Variants in CAST observed in about 807,000 individuals in gnomAD.
CAST encodes the protein MIR583 host.
Under a neutral mutation model 119.6 loss-of-function variants are expected in CAST, and 76 were observed. The ratio of observed to expected loss-of-function variants is 0.64; its 90% CI spans 0.53 to 0.77. CAST has a LOEUF of 0.77. CAST is among the 30% of genes least tolerant of loss of function. The probability of loss-of-function intolerance (pLI) is 0.00; values close to 1 mark genes in which losing one functional copy is unlikely to be tolerated. For synonymous variants in CAST, 319 were observed against 331.6 expected (o/e 0.96, Z 0.41); for missense variants, 953 against 946.5 (o/e 1.01, Z -0.09).
At chr5:95,981,131 G>A in the CAST span, among the ~76,000 whole-genome samples, 83 of 152,220 alleles carry the variant, frequency 5.5e-4, no homozygotes, top group Non-Finnish European at 1.1e-3. Context: ...AAGCAGGGAA[G>A]TGGGCTGGTT....
rs1487521973 is a variant in CAST, at chr5:96,560,210, A to G, written c.60+30330A>G. ...CACCTTATACAAAAATTAATTCAAG[A>G]TGGATTAAAGACTTAAATGTTAGAC... is the stretch of plus-strand genomic sequence containing the variant. On this transcript the variant is annotated intron_variant, in intron 1 of 11. Transcript: ENST00000505143. 3.3e-5 allele frequency among the ~76,000 whole-genome samples: 5 copies of G among 152,224 alleles called. No homozygotes were observed. In the East Asian group the frequency reaches 7.7e-4, roughly 23 times the overall value.
chr5:96,022,457 T>C, the CAST span, among the ~76,000 whole-genome samples: 1 of 152,220 alleles, frequency 6.6e-6, no homozygotes, highest in Non-Finnish European at 1.5e-5. Context: ...TGCAGTGATC[T>C]ACCAGGTGTG....
intron 3 of CAST, among the ~76,000 whole-genome samples, chr5:96,699,493 C>G (rs1753647944): frequency 6.6e-6 from 1 of 152,226 alleles, no homozygotes; most frequent in Non-Finnish European, 1.5e-5. Context: ...ATGAGGCTTT[C>G]TCCTGCTGCC....
chr5:96,614,282 G>T (rs764567225), intron 1 of CAST, among the ~76,000 whole-genome samples: 4 of 152,122 alleles, frequency 2.6e-5, no homozygotes, highest in Non-Finnish European at 4.4e-5. Context: ...TGCCTGACTC[G>T]TTAGGTTATT....
chr5:96,063,680 T>C, the CAST span, among the ~76,000 whole-genome samples: 1 of 152,130 alleles, frequency 6.6e-6, no homozygotes, highest in East Asian at 1.9e-4. Flanking sequence ...TGTGTAGTCT[T>C]ATTTAGTTGG....
intron 1 of CAST, among the ~76,000 whole-genome samples, chr5:96,534,318 A>T (rs1359355122): frequency 1.3e-5 from 2 of 152,094 alleles, no homozygotes; most frequent in East Asian, 3.9e-4. Flanking sequence ...GAGTATGAAA[A>T]CTGCAACTAT....
intron 1 of CAST, among the ~76,000 whole-genome samples, chr5:96,633,215 G>C (rs1278307259): frequency 1.3e-5 from 2 of 152,128 alleles, no homozygotes; most frequent in African/African-American, 4.8e-5. Context: ...GACCTCAGGT[G>C]ATCCACCTGC....
At chr5:96,034,831 T>G in the CAST span, among the ~76,000 whole-genome samples, 2 of 150,940 alleles carry the variant, frequency 1.3e-5, no homozygotes, top group South Asian at 4.2e-4. Flanking sequence ...AAGATTAACA[T>G]TTTTAGTTTT....
At chr5:96,400,285 G>A in the CAST span, 2 of 811,242 alleles carry the variant, frequency 2.5e-6, no homozygotes, top group South Asian at 2.8e-5. Flanking sequence ...GGATTATGAA[G>A]TGCCTTTTGC....
chr5:96,164,626 A>G, the CAST span, among the ~76,000 whole-genome samples: 1 of 152,194 alleles, frequency 6.6e-6, no homozygotes, highest in African/African-American at 2.4e-5. Flanking sequence ...AGAGAACAAG[A>G]CAGATATAGT....
the CAST span, among the ~76,000 whole-genome samples, chr5:96,503,817 C>A: frequency 1.3e-5 from 2 of 152,348 alleles, no homozygotes; most frequent in African/African-American, 4.8e-5. Flanking sequence ...CCCTTTTAGT[C>A]CTTTCCCTGG....
the CAST span, among the ~76,000 whole-genome samples, chr5:96,192,355 C>T: frequency 3.9e-5 from 6 of 152,108 alleles, no homozygotes; most frequent in African/African-American, 1.4e-4. Context: ...AAGATTAATG[C>T]ATTAAGATGT....
the CAST span, among the ~76,000 whole-genome samples, chr5:96,041,826 A>C: frequency 1.3e-5 from 2 of 151,968 alleles, no homozygotes; most frequent in East Asian, 3.9e-4. Flanking sequence ...CATTTTACTG[A>C]TTTTCTTCTG....
the CAST span, among the ~76,000 whole-genome samples, chr5:96,209,947 C>G: frequency 6.6e-6 from 1 of 151,620 alleles, no homozygotes; most frequent in Admixed American, 6.6e-5. Flanking sequence ...TTTTCTCTCT[C>G]TCTTTCAGGG....
the CAST span, chr5:96,429,392 AACTT>A: frequency 2.4e-6 from 2 of 816,948 alleles, no homozygotes; most frequent in Non-Finnish European, 2.1e-6. Context: ...AAACTCAGCT[AACTT>A]AGAGATAGGC....
the CAST span, among the ~76,000 whole-genome samples, chr5:96,121,809 G>A: frequency 6.6e-6 from 1 of 151,938 alleles, no homozygotes; most frequent in Non-Finnish European, 1.5e-5. Flanking sequence ...ACATAGGAAG[G>A]GACTATTACT....
the CAST span, among the ~76,000 whole-genome samples, chr5:96,218,797 G>A: frequency 1.3e-4 from 20 of 152,250 alleles, no homozygotes; most frequent in African/African-American, 4.6e-4. Context: ...TCTGGCAAGT[G>A]TGACACTAGA....
chr5:96,432,087 C>G, the CAST span: 1 of 1,533,332 alleles, frequency 6.5e-7, no homozygotes, highest in Non-Finnish European at 8.7e-7. Context: ...ACGTACTTGG[C>G]TGAAGAACAA....
At chr5:96,576,302 T>C (rs867759520) in intron 1 of CAST, among the ~76,000 whole-genome samples, 3 of 152,154 alleles carry the variant, frequency 2.0e-5, no homozygotes, top group African/African-American at 7.2e-5. Context: ...TTTCCTTAAG[T>C]ATTTGGTAGC....
Sources: gnomAD v4.1 joint callset for allele counts (sites outside exome capture counted in the v4.1 genomes callset) on GRCh38, gnomAD v4.1.1 for gene constraint, MANE v1.5 for transcripts, NCBI Gene and HGNC (gene_info 2026-07-23, HGNC 2026-07-21) for gene names.